Variants in KLHDC1 observed in about 807,000 individuals in gnomAD.
KLHDC1 encodes kelch domain containing 1.
Under a neutral mutation model 68.3 loss-of-function variants are expected in KLHDC1, and 53 were observed. That is an observed-to-expected ratio of 0.78 (90% CI 0.62 to 0.98). The LOEUF is 0.98. KLHDC1 is among the 50% of genes least tolerant of loss of function. KLHDC1 has a pLI of 0.00. For synonymous variants in KLHDC1, 148 were observed against 159.0 expected, an observed-to-expected ratio of 0.93 and a Z score of 0.52; for missense variants, 470 against 492.3, an observed-to-expected ratio of 0.95 and a Z score of 0.43.
chr14:49,702,083 G>A (rs1363023779), intron 1 of KLHDC1, among the ~76,000 whole-genome samples: 3 of 150,828 alleles, frequency 2.0e-5, no homozygotes, highest in Non-Finnish European at 4.4e-5. Context: ...CAGGATAATC[G>A]CTTGAACCTG....
chr14:49,749,482 CCTGG>C (rs1370288419), intron 12 of KLHDC1, among the ~76,000 whole-genome samples: 1 of 151,736 alleles, frequency 6.6e-6, no homozygotes, highest in Non-Finnish European at 1.5e-5. Flanking sequence ...TCAAGACTAG[CCTGG>C]CCAAGGTGGT....
chr14:49,704,385 C>CTTT (rs1246947964), intron 1 of KLHDC1, among the ~76,000 whole-genome samples: 1 of 73,580 alleles, frequency 1.4e-5, no homozygotes, highest in Non-Finnish European at 2.8e-5. Flanking sequence ...TTTTCCTTTT[C>CTTT]TGTTTTTTTT....
chr14:49,723,321 C>G (rs1335622071), intron 4 of KLHDC1, among the ~76,000 whole-genome samples: 2 of 151,572 alleles, frequency 1.3e-5, no homozygotes, highest in Non-Finnish European at 1.5e-5. Context: ...TAACTTGACC[C>G]CAAGAGTTCA....
chr14:49,735,254 GT>G (rs1217862465), intron 10 of KLHDC1, among the ~76,000 whole-genome samples: 2 of 151,582 alleles, frequency 1.3e-5, no homozygotes, highest in Non-Finnish European at 2.9e-5. Flanking sequence ...TATAATTCTT[GT>G]TTTTTTCTAA....
At position 49,693,130 on chromosome 14, in the gene KLHDC1, G is replaced by A. The variant is rs1284615438; in HGVS notation, c.-65G>A. On this transcript the variant is annotated 5_prime_UTR_variant, in exon 1 of 13. Coordinates refer to ENST00000359332, the MANE Select transcript of KLHDC1 (RefSeq NM_172193.3). ...GTTCGTGCGTGGAGCAGTCGGGGCTGGAGGCGAGGCCGCCGGGCGGGCAGG... is the reference window on the plus strand; with the variant it reads ...GTTCGTGCGTGGAGCAGTCGGGGCTAGAGGCGAGGCCGCCGGGCGGGCAGG... The A allele has an allele frequency of 2.1e-6, 3 of 1,407,726 alleles. No individual in the cohort carries two copies. The highest frequency in any genetic ancestry group is 2.9e-6 in the Non-Finnish European group (3 of 1,032,028). The allele number at this position is 1,407,726 out of a possible 1,614,324, so 87.2% of individuals were successfully genotyped here. A position where few individuals can be genotyped will look rare whatever the true frequency, so the allele number is the denominator to read the frequency against.
Position 49,710,267 on chromosome 14 carries a change from A to G in KLHDC1, c.290A>G (p.Tyr97Cys). ...YDDKGYSNRL[Y>C]FVNLRTRDET... The stretch of plus-strand genomic sequence containing the variant: ...TAGTGTTCTCATCTTTTAAAGCTTT[A>G]TTTTGTTAATTTACGAACAAGAGAT... Residue 97 changes from tyrosine (Y) to cysteine (C), a missense_variant, in exon 4 of 13, where the codon TAT becomes TGT. Coordinates refer to ENST00000359332, the MANE Select transcript of KLHDC1 (RefSeq NM_172193.3). The G allele has an allele frequency of 1.3e-6, 2 of 1,563,842 alleles. No individual in the cohort carries two copies. Among genetic ancestry groups the G allele is most frequent in the East Asian group, 2.2e-5 (1 of 44,520 alleles).
At chr14:49,708,022 G>A (rs1308958969) in intron 1 of KLHDC1, among the ~76,000 whole-genome samples, 1 of 148,360 alleles carries the variant, frequency 6.7e-6, no homozygotes. Context: ...AATAACTTAT[G>A]TATTATATAG....
At chr14:49,724,131 A>G (rs1888608049) in intron 5 of KLHDC1, among the ~76,000 whole-genome samples, 179 bp downstream of exon 5, 1 of 152,158 alleles carries the variant, frequency 6.6e-6, no homozygotes, top group Non-Finnish European at 1.5e-5. Context: ...GTATCTCTCT[A>G]GTGGTATTAG....
chr14:49,712,870 C>T (rs1242973650), intron 4 of KLHDC1, among the ~76,000 whole-genome samples: 1 of 151,666 alleles, frequency 6.6e-6, no homozygotes, highest in East Asian at 1.9e-4. Flanking sequence ...GAACTCCTGA[C>T]CTCAGGTGAT....
intron 4 of KLHDC1, among the ~76,000 whole-genome samples, chr14:49,719,706 C>T (rs1888477435): frequency 6.6e-6 from 1 of 152,064 alleles, no homozygotes; most frequent in Non-Finnish European, 1.5e-5. Flanking sequence ...GCTGGGATTA[C>T]AGGCGTGAGC....
chr14:49,724,551 GTA>G (rs146607278), intron 5 of KLHDC1, among the ~76,000 whole-genome samples: 46 of 149,662 alleles, frequency 3.1e-4, no homozygotes, highest in African/African-American at 3.4e-4. Flanking sequence ...ATATATATGT[GTA>G]TATATATATA....
chr14:49,705,365 C>CTTTTTTTTTTTTTTTTTTTTTTGTTT (rs59444333), intron 1 of KLHDC1, among the ~76,000 whole-genome samples: 1 of 71,664 alleles, frequency 1.4e-5, no homozygotes, highest in Admixed American at 2.6e-4. Context: ...TTCTTTCTTT[C>CTTTTTTTTTTTTTTTTTTTTTTGTTT]TTTTTTTTTT....
At chr14:49,746,778 A>C (rs1889208485) in intron 12 of KLHDC1, among the ~76,000 whole-genome samples, 1 of 151,960 alleles carries the variant, frequency 6.6e-6, no homozygotes, top group Non-Finnish European at 1.5e-5. Context: ...AACTCTTTTC[A>C]TTCTTTATGA....
chr14:49,714,674 T>A (rs1189297928), intron 4 of KLHDC1, among the ~76,000 whole-genome samples: 2 of 151,838 alleles, frequency 1.3e-5, no homozygotes, highest in East Asian at 3.9e-4. Context: ...TCCCAGCTAC[T>A]TGGGAGGCTG....
chr14:49,743,728 A>G, intron 11 of KLHDC1, 25 bp from the exon 12 acceptor site: 2 of 1,472,592 alleles, frequency 1.4e-6, no homozygotes, highest in Non-Finnish European at 1.9e-6. Context: ...CAAAAACTTA[A>G]TAATGCCTTT....
intron 4 of KLHDC1, among the ~76,000 whole-genome samples, chr14:49,715,690 A>G (rs1295010948): frequency 7.1e-6 from 1 of 141,186 alleles, no homozygotes; most frequent in East Asian, 2.1e-4. Flanking sequence ...GGTTGCAGTG[A>G]TCTGAGGTTG....
Position 49,709,830 on chromosome 14 carries a change from ATAAT to A in KLHDC1, c.285+6_285+9del. 1 of 1,472,240 alleles carries A rather than the reference ATAAT, an allele frequency of 6.8e-7. No individual in the cohort carries two copies. Among genetic ancestry groups the A allele is most frequent in the Non-Finnish European group, 9.3e-7 (1 of 1,075,616 alleles). The allele number at this position is 1,472,240 out of a possible 1,614,324, so 91.2% of individuals were successfully genotyped here. A position where few individuals can be genotyped will look rare whatever the true frequency, so the allele number is the denominator to read the frequency against. ...TGACAAAGGATACAGCAATCGAGTAATAATTTCTTTAATTCAAGAGTGCAGCAAA... is the reference window on the plus strand; with the variant it reads ...TGACAAAGGATACAGCAATCGAGTAATTCTTTAATTCAAGAGTGCAGCAAA... On this transcript the variant is annotated splice_donor_5th_base_variant and intron_variant, in intron 3 of 12. Coordinates refer to ENST00000359332, the MANE Select transcript of KLHDC1 (RefSeq NM_172193.3).
chr14:49,712,502 CTT>C (rs776185436), intron 4 of KLHDC1, among the ~76,000 whole-genome samples: 22 of 133,620 alleles, frequency 1.6e-4, no homozygotes, highest in Admixed American at 3.0e-4. Flanking sequence ...CATAGATTTT[CTT>C]TTTTTTTTTT....
At chr14:49,720,979 T>A (rs73280163) in intron 4 of KLHDC1, among the ~76,000 whole-genome samples, 2,318 of 152,294 alleles carry the variant, frequency 0.015, 53 homozygotes, top group African/African-American at 0.049. Flanking sequence ...AGTTCTTTTT[T>A]ATGGTTCTAT....
Sources: allele counts gnomAD v4.1 joint callset (sites outside exome capture counted in the v4.1 genomes callset), GRCh38; gene constraint gnomAD v4.1.1; transcripts MANE v1.5; gene names NCBI Gene and HGNC (gene_info 2026-07-23, HGNC 2026-07-21).